The following GALNT16 variants were observed in gnomAD, a reference collection of about 807,000 sequenced individuals.
GALNT16 encodes UDP-GalNAc:polypeptide N-acetylgalactosaminyltransferase-like protein 1.
Under a neutral mutation model 76.1 loss-of-function variants are expected in GALNT16, and 40 were observed. The observed-to-expected ratio is 0.53, with a 90% CI of 0.41 to 0.68. The LOEUF (loss-of-function observed/expected upper bound fraction) is 0.68. Among genes scored for constraint, GALNT16 ranks in the 30% least tolerant of loss-of-function variants. The probability of loss-of-function intolerance (pLI) is 0.00; values close to 1 mark genes in which losing one functional copy is unlikely to be tolerated. For synonymous variants in GALNT16, 276 were observed against 285.2 expected, an observed-to-expected ratio of 0.97 and a Z score of 0.32; for missense variants, 621 against 731.9, an observed-to-expected ratio of 0.85 and a Z score of 1.75.
At chr14:69,319,846 C>A (rs1321261993) in intron 1 of GALNT16, among the ~76,000 whole-genome samples, 1 of 152,228 alleles carries the variant, frequency 6.6e-6, no homozygotes, top group Non-Finnish European at 1.5e-5. Flanking sequence ...CACTTGAGTT[C>A]TGGTAGCTCT....
chr14:69,273,979 G>A (rs1426542361), intron 1 of GALNT16, among the ~76,000 whole-genome samples: 1 of 152,198 alleles, frequency 6.6e-6, no homozygotes, highest in African/African-American at 2.4e-5. Context: ...TGATGGCTTT[G>A]TTCAGGATGC....
intron 1 of GALNT16, among the ~76,000 whole-genome samples, chr14:69,284,042 A>G (rs2044577861): frequency 6.6e-6 from 1 of 152,144 alleles, no homozygotes; most frequent in Non-Finnish European, 1.5e-5. Flanking sequence ...ACCCATCCTG[A>G]TTTGGAAAAA....
rs780823695 is a variant in GALNT16, at chr14:69,260,378, G to C, written c.88G>C (p.Ala30Pro). 1 of 1,611,156 alleles carries C rather than the reference G, an allele frequency of 6.2e-7. No individual in the cohort carries two copies. The highest frequency in any genetic ancestry group is 1.7e-5 in the Admixed American group (1 of 59,834). ...CTACTACTTATGGCAGGACAACCGA[G>C]CCCACGCAGCATCCTCCGGCGGCCG... ...TFYYLWQDNR[A>P]HAASSGGRGA... The change falls in exon 1 of 15, where the codon GCC (alanine) becomes CCC (proline). Residue 30 changes from alanine to proline, a missense_variant. Physicochemically the swap from Ala to Pro is conservative, Grantham distance 27. Transcript: ENST00000448469.
At chr14:69,286,504 A>G (rs1050804827) in intron 1 of GALNT16, among the ~76,000 whole-genome samples, 2 of 152,062 alleles carry the variant, frequency 1.3e-5, no homozygotes. Context: ...GGGTTTCACC[A>G]TGTTAACCAG....
chr14:69,320,499 AAAAAAAAG>A (rs1394520818), intron 1 of GALNT16, among the ~76,000 whole-genome samples: 7 of 136,520 alleles, frequency 5.1e-5, no homozygotes, highest in African/African-American at 1.1e-4. Context: ...AAAAAAAGAA[AAAAAAAAG>A]AAAAAAAGAA....
intron 1 of GALNT16, among the ~76,000 whole-genome samples, chr14:69,302,485 G>A (rs2044867931): frequency 6.6e-6 from 1 of 152,076 alleles, no homozygotes; most frequent in Admixed American, 6.5e-5. Context: ...ACTGTCTCCT[G>A]TTGTTAGTTT....
At chr14:69,322,527 A>T (rs74059952) in intron 2 of GALNT16, among the ~76,000 whole-genome samples, 1,604 of 152,286 alleles carry the variant, frequency 0.011, 23 homozygotes, top group African/African-American at 0.036. Flanking sequence ...TACATTTTTA[A>T]ATGAGACGCT....
chr14:69,376,113 T>C, the GALNT16 span, among the ~76,000 whole-genome samples: 1 of 152,278 alleles, frequency 6.6e-6, no homozygotes, highest in East Asian at 1.9e-4. Flanking sequence ...CATAGCTCAC[T>C]GCAGCCTCCA....
intron 5 of GALNT16, among the ~76,000 whole-genome samples, chr14:69,327,841 C>T (rs1015914720): frequency 7.2e-5 from 11 of 152,328 alleles, no homozygotes; most frequent in African/African-American, 2.4e-4. Context: ...TATCGGGGGA[C>T]AGGCACAGAA....
intron 1 of GALNT16, among the ~76,000 whole-genome samples, chr14:69,277,740 G>A (rs2044491707): frequency 6.6e-6 from 1 of 152,222 alleles, no homozygotes; most frequent in Non-Finnish European, 1.5e-5. Context: ...TATATACCCA[G>A]TAATGGGATG....
At chr14:69,310,167 G>A (rs1361296700) in intron 1 of GALNT16, among the ~76,000 whole-genome samples, 3 of 151,886 alleles carry the variant, frequency 2.0e-5, no homozygotes, top group Non-Finnish European at 4.4e-5. Flanking sequence ...GGTACTACTA[G>A]TATAGTAGTA....
chr14:69,332,846 T>C (rs2045370614), intron 7 of GALNT16, among the ~76,000 whole-genome samples: 1 of 145,822 alleles, frequency 6.9e-6, no homozygotes, highest in Non-Finnish European at 1.5e-5. Flanking sequence ...TTTTTTTTAG[T>C]ACTTTCATCC....
At chr14:69,272,526 C>T (rs1223063214) in intron 1 of GALNT16, among the ~76,000 whole-genome samples, 3 of 152,242 alleles carry the variant, frequency 2.0e-5, no homozygotes, top group East Asian at 3.9e-4. Context: ...CCCCTACTGA[C>T]CCTGTAGCCA....
chr14:69,260,625 C>T, intron 1 of GALNT16, 158 bp downstream of exon 1: 2 of 411,662 alleles, frequency 4.9e-6, no homozygotes, highest in Non-Finnish European at 7.6e-6. Context: ...GTTGTTATGG[C>T]AACCTCTGCC....
chr14:69,384,463 G>A, the GALNT16 span, among the ~76,000 whole-genome samples: 8 of 152,296 alleles, frequency 5.3e-5, no homozygotes, highest in Non-Finnish European at 1.2e-4. Flanking sequence ...ACTCCAGCTA[G>A]CTCTTAACCA....
chr14:69,319,374 G>A (rs999644226), intron 1 of GALNT16, among the ~76,000 whole-genome samples: 6 of 152,216 alleles, frequency 3.9e-5, no homozygotes, highest in African/African-American at 1.4e-4. Context: ...CTCCCCACAG[G>A]TCTAGCTGCC....
chr14:69,322,903 A>G (rs971883444), intron 2 of GALNT16, among the ~76,000 whole-genome samples: 3 of 147,876 alleles, frequency 2.0e-5, no homozygotes, highest in Non-Finnish European at 4.5e-5. Context: ...AAAAGAAAAA[A>G]GAAAGCTGAG....
rs1412820459 is a variant in GALNT16 at position 69,260,466 on chromosome 14, T to C, written c.176T>C (p.Ile59Thr). ...CGCGAGGACCGCACCATCCCGCTCA[T>C]TGTGAGTACGCCCCGAGCGTCGGCC... ...QLREDRTIPL[I>T]VTGTPSKGFD... The change falls in exon 1 of 15, where the codon ATT becomes ACT. Residue 59 changes from isoleucine to threonine, a missense_variant and splice_region_variant. By Grantham distance (89) the Ile-to-Thr change is moderately conservative. Transcript: ENST00000448469. The C allele has an allele frequency of 8.1e-6, 12 of 1,478,572 alleles. No homozygotes were observed. The highest frequency in any genetic ancestry group is 1.8e-4 in the Middle Eastern group (1 of 5,714). The allele number at this position is 1,478,572 out of a possible 1,614,324, so 91.6% of individuals were successfully genotyped here.
At chr14:69,279,256 G>T (rs751972066) in intron 1 of GALNT16, among the ~76,000 whole-genome samples, 1 of 152,178 alleles carries the variant, frequency 6.6e-6, no homozygotes, top group East Asian at 1.9e-4. Flanking sequence ...TTAATATTTT[G>T]TTCATTAAGA....
Sources: allele counts gnomAD v4.1 joint callset (sites outside exome capture counted in the v4.1 genomes callset), GRCh38; gene constraint gnomAD v4.1.1; transcripts MANE v1.5; gene names NCBI Gene and HGNC (gene_info 2026-07-23, HGNC 2026-07-21).